EPHA5: variants seen among roughly 807,000 people sequenced by gnomAD.
The protein encoded by EPHA5 is EPH receptor A5.
Under a neutral mutation model 105.0 loss-of-function variants are expected in EPHA5, and 60 were observed. That is an observed-to-expected ratio of 0.57 (90% CI 0.46 to 0.71). The LOEUF is 0.71. Ranked by LOEUF, EPHA5 falls within the 30% of genes least tolerant of loss-of-function variation. EPHA5 has a pLI of 0.00. For synonymous variants in EPHA5, 513 were observed against 449.1 expected (o/e 1.14, Z -1.80); for missense variants, 1,218 against 1,274.7 (o/e 0.96, Z 0.68).
chr4:65,584,503 A>G (rs1055521225), intron 3 of EPHA5, among the ~76,000 whole-genome samples: 10 of 151,920 alleles, frequency 6.6e-5, no homozygotes, highest in Admixed American at 3.3e-4. Flanking sequence ...CAAATGTGAC[A>G]AAGCATAACC....
chr4:65,394,808 A>G (rs6828375), intron 8 of EPHA5, among the ~76,000 whole-genome samples: 21,581 of 152,102 alleles, frequency 0.14, 1,855 homozygotes, highest in East Asian at 0.23. Context: ...AACATTGCCT[A>G]GTAGGAAATG....
At chr4:65,354,747 T>G (rs1208486917) in intron 11 of EPHA5, among the ~76,000 whole-genome samples, 1 of 151,668 alleles carries the variant, frequency 6.6e-6, no homozygotes, top group Non-Finnish European at 1.5e-5. Flanking sequence ...ATAGAACATA[T>G]GATTAATACA....
At chr4:65,417,268 G>GGAAAGC (rs1723478422) in intron 6 of EPHA5, among the ~76,000 whole-genome samples, 1 of 152,188 alleles carries the variant, frequency 6.6e-6, no homozygotes, top group Non-Finnish European at 1.5e-5. Flanking sequence ...TGCCACCTGT[G>GGAAAGC]TCTGGCCAAA....
intron 5 of EPHA5, among the ~76,000 whole-genome samples, chr4:65,453,679 C>T (rs1208872177): frequency 1.3e-5 from 2 of 152,158 alleles, no homozygotes; most frequent in African/African-American, 2.4e-5. Context: ...CATGCTCCCC[C>T]GACCAGTGCT....
intron 8 of EPHA5, among the ~76,000 whole-genome samples, chr4:65,401,483 C>T (rs954100895): frequency 6.6e-6 from 1 of 151,806 alleles, no homozygotes; most frequent in Non-Finnish European, 1.5e-5. Context: ...GACAAATGTC[C>T]CCCGAAATTC....
chr4:65,357,284 G>T (rs961735214), intron 11 of EPHA5, among the ~76,000 whole-genome samples: 21 of 151,374 alleles, frequency 1.4e-4, no homozygotes, highest in African/African-American at 5.1e-4. Flanking sequence ...GGGTTGTCTG[G>T]AGCAAGTTAT....
chr4:65,505,898 G>A (rs538701344), intron 3 of EPHA5, among the ~76,000 whole-genome samples: 2 of 152,032 alleles, frequency 1.3e-5, no homozygotes, highest in South Asian at 2.1e-4. Context: ...TGTGCACAAC[G>A]TGCAGGTTTG....
intron 3 of EPHA5, among the ~76,000 whole-genome samples, chr4:65,593,759 T>C (rs553402113): frequency 2.0e-5 from 3 of 152,218 alleles, no homozygotes; most frequent in African/African-American, 7.2e-5. Flanking sequence ...GAGTGAGATT[T>C]GAGCTGAGGC....
chr4:65,365,880 A>C (rs1196577808), intron 10 of EPHA5, 52 bp downstream of exon 10: 12 of 1,576,484 alleles, frequency 7.6e-6, no homozygotes, highest in Non-Finnish European at 1.0e-5. Flanking sequence ...GGTATATTAC[A>C]TTCTGGAATG....
At chr4:65,354,887 C>T (rs979201465) in intron 11 of EPHA5, among the ~76,000 whole-genome samples, 6 of 151,736 alleles carry the variant, frequency 4.0e-5, no homozygotes, top group African/African-American at 9.7e-5. Flanking sequence ...ATAAAATACT[C>T]GAGACAATAT....
intron 2 of EPHA5, among the ~76,000 whole-genome samples, chr4:65,606,849 T>G (rs1744275674): frequency 6.6e-6 from 1 of 152,140 alleles, no homozygotes; most frequent in African/African-American, 2.4e-5. Context: ...CTTTGCAGAA[T>G]TACATAAAAA....
chr4:65,505,026 G>T (rs540521467), intron 3 of EPHA5, among the ~76,000 whole-genome samples: 1 of 152,050 alleles, frequency 6.6e-6, no homozygotes, highest in South Asian at 2.1e-4. Flanking sequence ...GTGTATAAGG[G>T]TATATATAAA....
At chr4:65,563,861 T>A (rs13143448) in intron 3 of EPHA5, among the ~76,000 whole-genome samples, 16 of 151,950 alleles carry the variant, frequency 1.1e-4, no homozygotes, top group African/African-American at 3.6e-4. Context: ...ATGACATCAA[T>A]AGTATGTGTT....
intron 3 of EPHA5, among the ~76,000 whole-genome samples, chr4:65,596,628 T>C (rs918098837): frequency 1.3e-5 from 2 of 151,814 alleles, no homozygotes; most frequent in Admixed American, 6.6e-5. Context: ...TGTTTGTAAA[T>C]GGATGAAATG....
chr4:65,383,897 T>C (rs1248653838), intron 8 of EPHA5, among the ~76,000 whole-genome samples: 1 of 151,932 alleles, frequency 6.6e-6, no homozygotes, highest in Admixed American at 6.6e-5. Flanking sequence ...CATATTCCCA[T>C]TTGGAGCCAC....
chr4:65,354,563 T>C (rs2148864441), intron 11 of EPHA5, among the ~76,000 whole-genome samples: 1 of 151,830 alleles, frequency 6.6e-6, no homozygotes, highest in South Asian at 2.1e-4. Context: ...TAATTAACTT[T>C]TTAATTTATG....
intron 3 of EPHA5, among the ~76,000 whole-genome samples, chr4:65,522,980 G>A (rs1734900835): frequency 6.6e-6 from 1 of 151,862 alleles, no homozygotes; most frequent in East Asian, 1.9e-4. Context: ...CAAAAAAGAG[G>A]TGGTGAAAGG....
chr4:65,519,325 C>T (rs925520614), intron 3 of EPHA5, among the ~76,000 whole-genome samples: 2 of 152,090 alleles, frequency 1.3e-5, no homozygotes, highest in African/African-American at 2.4e-5. Context: ...CAAAATTCAG[C>T]AGCCCTTCAT....
intron 2 of EPHA5, among the ~76,000 whole-genome samples, chr4:65,627,092 C>T (rs1371979380): frequency 6.6e-6 from 1 of 152,128 alleles, no homozygotes. Context: ...GACAAAATTT[C>T]CACACATGTA....
Sources: gnomAD v4.1 joint callset for allele counts (sites outside exome capture counted in the v4.1 genomes callset) on GRCh38, gnomAD v4.1.1 for gene constraint, MANE v1.5 for transcripts, NCBI Gene and HGNC (gene_info 2026-07-23, HGNC 2026-07-21) for gene names.